Variants in TLCD4 observed in about 807,000 individuals in gnomAD.
The protein encoded by TLCD4 is TLC domain containing 4, also known as TLC domain-containing protein 4.
A neutral mutation model predicts 24.2 loss-of-function variants in TLCD4; 7 were observed. That is an observed-to-expected ratio of 0.29 (90% CI 0.16 to 0.54). The LOEUF is 0.54. TLCD4 is among the 20% of genes least tolerant of loss of function. TLCD4 has a pLI of 0.95. For missense variants in TLCD4, 259 were observed against 313.9 expected (o/e 0.82, Z 1.32); for synonymous variants, 103 against 106.4 (o/e 0.97, Z 0.20).
chr1:95,105,844 G>A, the TLCD4 span, among the ~76,000 whole-genome samples: 1 of 138,960 alleles, frequency 7.2e-6, no homozygotes, highest in African/African-American at 2.6e-5. Context: ...GCAGTGAGCC[G>A]AGATTGCACC....
intron 1 of TLCD4, among the ~76,000 whole-genome samples, chr1:95,139,514 A>G (rs1486918881): frequency 8.5e-6 from 1 of 117,546 alleles, no homozygotes; most frequent in African/African-American, 3.2e-5. Context: ...GCTGGAGTGC[A>G]GTGGCGTGAT....
chr1:95,118,168 A>G (rs1676481243), intron 1 of TLCD4: 1 of 152,162 alleles, frequency 6.6e-6, no homozygotes, highest in Non-Finnish European at 1.5e-5. Flanking sequence ...AGTGGGTCCC[A>G]TTTTTAGCCA....
At chr1:95,109,941 A>G in the TLCD4 span, among the ~76,000 whole-genome samples, 3 of 141,134 alleles carry the variant, frequency 2.1e-5, no homozygotes, top group Non-Finnish European at 4.6e-5. Context: ...ATATATATAT[A>G]TATATATATA....
At chr1:95,097,804 A>G in the TLCD4 span, among the ~76,000 whole-genome samples, 3 of 152,170 alleles carry the variant, frequency 2.0e-5, no homozygotes, top group Non-Finnish European at 4.4e-5. Flanking sequence ...TGATAAACGG[A>G]ACTCTTAACT....
chr1:95,107,931 A>G, the TLCD4 span, among the ~76,000 whole-genome samples: 2 of 152,318 alleles, frequency 1.3e-5, no homozygotes, highest in South Asian at 2.1e-4. Flanking sequence ...GTCGTGAGAG[A>G]TGAATGCTCC....
the TLCD4 span, among the ~76,000 whole-genome samples, chr1:95,104,672 A>AAAAAAAAAAAC: frequency 6.8e-6 from 1 of 147,186 alleles, no homozygotes; most frequent in Non-Finnish European, 1.5e-5. Flanking sequence ...TCAAAAAAAA[A>AAAAAAAAAAAC]AAAAAAAAGC....
chr1:95,156,400 A>G (rs1677636785), intron 5 of TLCD4, among the ~76,000 whole-genome samples: 1 of 149,904 alleles, frequency 6.7e-6, no homozygotes, highest in Non-Finnish European at 1.5e-5. Context: ...ATGGTTGTAC[A>G]TATGGATGAG....
chr1:95,096,123 A>G, the TLCD4 span, among the ~76,000 whole-genome samples: 1 of 152,230 alleles, frequency 6.6e-6, no homozygotes, highest in Non-Finnish European at 1.5e-5. Flanking sequence ...GATTGTAGGT[A>G]ACAGTTCAAG....
At chr1:95,148,612 A>G in intron 2 of TLCD4, 90 bp from the exon 3 acceptor site, 3 of 1,551,772 alleles carry the variant, frequency 1.9e-6, no homozygotes, top group Non-Finnish European at 8.8e-7. Flanking sequence ...GCTTCCAGGT[A>G]TAACTTGTTC....
chr1:95,140,355 G>C (rs1360410337), intron 1 of TLCD4, among the ~76,000 whole-genome samples: 3 of 152,100 alleles, frequency 2.0e-5, no homozygotes, highest in Non-Finnish European at 4.4e-5. Context: ...TAGGTGATAG[G>C]AATTTTCAGC....
rs377238600 is a variant in TLCD4 at position 95,141,001 on chromosome 1, A to C, written c.-11-2890A>C. Among the ~76,000 whole-genome samples, 24 of 152,344 alleles carry C rather than the reference A, an allele frequency of 1.6e-4. No individual in the cohort carries two copies. The Middle Eastern group carries it at 0.01, about 65-fold the overall frequency. ...TGACTGATTAAGCAAGCAGCTGTTCACTAAGAGGCAAAGCTGAGAGTAGAA... is the reference window on the plus strand; with the variant it reads ...TGACTGATTAAGCAAGCAGCTGTTCCCTAAGAGGCAAAGCTGAGAGTAGAA... On this transcript the variant is annotated intron_variant, in intron 1 of 6. Transcript: ENST00000370203.
chr1:95,134,605 G>A (rs1391601799), intron 1 of TLCD4, among the ~76,000 whole-genome samples: 1 of 152,180 alleles, frequency 6.6e-6, no homozygotes, highest in East Asian at 1.9e-4. Flanking sequence ...TGGAGAGGGT[G>A]ATGGGCTGGG....
intron 1 of TLCD4, among the ~76,000 whole-genome samples, chr1:95,119,417 A>G (rs1042234866): frequency 8.5e-5 from 13 of 152,184 alleles, no homozygotes; most frequent in African/African-American, 2.9e-4. Context: ...CTTCCCTGCA[A>G]AAGACTGGGG....
the TLCD4 span, among the ~76,000 whole-genome samples, chr1:95,110,564 T>G: frequency 1.3e-5 from 2 of 152,082 alleles, no homozygotes; most frequent in Non-Finnish European, 2.9e-5. Flanking sequence ...TATGCAAGTA[T>G]GCATGGAAAA....
chr1:95,174,507 C>CA (rs141819142), intron 6 of TLCD4, among the ~76,000 whole-genome samples: 200 of 85,802 alleles, frequency 2.3e-3, no homozygotes, highest in South Asian at 5.0e-3. Context: ...CCCATCCCTA[C>CA]AAAAAAAAAA....
At chr1:95,188,454 C>A (rs1678910130) in intron 6 of TLCD4, among the ~76,000 whole-genome samples, 2 of 151,690 alleles carry the variant, frequency 1.3e-5, no homozygotes, top group South Asian at 4.2e-4. Context: ...ATACACAGCC[C>A]ACACTTGAGG....
chr1:95,196,951 A>C lies in TLCD4; in HGVS notation c.*5083A>C, dbSNP rs1679222266. ...TAACTTGTAAATAGGATAAGTTATG[A>C]GATTTTTTGGTATTAGAATTTGTAA... On this transcript the variant is annotated 3_prime_UTR_variant, in exon 7 of 7. Transcript: ENST00000370203. 6.6e-6 allele frequency: 1 copy of C among 152,104 alleles called. No individual in the cohort carries two copies. The highest frequency in any genetic ancestry group is 1.5e-5 in the Non-Finnish European group (1 of 68,010). The allele number at this position is 152,104 out of a possible 1,614,324, so 9.4% of individuals were successfully genotyped here.
intron 1 of TLCD4, among the ~76,000 whole-genome samples, chr1:95,118,256 C>T (rs1244098123): frequency 6.6e-6 from 1 of 152,174 alleles, no homozygotes; most frequent in Admixed American, 6.5e-5. Context: ...TCCATCTTTA[C>T]CTCTGTAACC....
intron 6 of TLCD4, among the ~76,000 whole-genome samples, chr1:95,174,506 A>C (rs12023138): frequency 1.2e-5 from 1 of 83,554 alleles, no homozygotes; most frequent in African/African-American, 4.1e-5. Flanking sequence ...TCCCATCCCT[A>C]CAAAAAAAAA....
Sources: gnomAD v4.1 joint callset for allele counts (sites outside exome capture counted in the v4.1 genomes callset) on GRCh38, gnomAD v4.1.1 for gene constraint, MANE v1.5 for transcripts, NCBI Gene and HGNC (gene_info 2026-07-23, HGNC 2026-07-21) for gene names.